Variants in ATP8B2 observed in about 807,000 individuals in gnomAD.
ATP8B2 encodes the protein phospholipid-transporting ATPase ID.
In ATP8B2, 70 loss-of-function variants were observed where a neutral mutation model predicts 133.4. The ratio of observed to expected loss-of-function variants is 0.52; its 90% confidence interval spans 0.43 to 0.64. The LOEUF (loss-of-function observed/expected upper bound fraction) is 0.64, where lower values mean the gene tolerates loss of function less well. Among genes scored for constraint, ATP8B2 ranks in the 30% least tolerant of loss-of-function variants. ATP8B2 has a pLI of 0.00. For missense variants in ATP8B2, 1,101 were observed against 1,535.7 expected (o/e 0.72, Z 4.73); for synonymous variants, 517 against 589.5 (o/e 0.88, Z 1.78).
Position 154,345,739 on chromosome 1 carries a change from C to T in ATP8B2, c.2695-61C>T, listed in dbSNP as rs897533732. 1.4e-5 allele frequency: 20 copies of T among 1,468,256 alleles called. No individual in the cohort carries two copies. Among genetic ancestry groups the T allele is most frequent in the Non-Finnish European group, 1.8e-5 (19 of 1,048,168 alleles). 91.0% of individuals were successfully genotyped at this position (1,468,256 alleles called of 1,614,324 possible). A position where few individuals can be genotyped will look rare whatever the true frequency, so the allele number is the denominator to read the frequency against. ...CTCTGTATGTGACATCAGCTGTCTT[C>T]CTGTGCCTGATGTGTAGCAAAGAAA... On this transcript the variant is annotated intron_variant, in intron 23 of 27. Coordinates refer to ENST00000368489, the MANE Select transcript of ATP8B2 (RefSeq NM_001370597.1). This position sits in a 1 kb window ranked among gnomAD's most constrained non-coding sequence, Gnocchi z 5.6.
At chr1:154,333,694 G>A (rs562596789) in intron 9 of ATP8B2, among the ~76,000 whole-genome samples, 1 of 148,136 alleles carries the variant, frequency 6.8e-6, no homozygotes, top group Non-Finnish European at 1.5e-5. Flanking sequence ...GAGTGTAGTG[G>A]TGCGATCTCG....
rs1402900467 is a variant in ATP8B2 at position 154,344,303 on chromosome 1, T to C, written c.2035+49T>C. The C allele has an allele frequency of 6.2e-7, 1 of 1,614,182 alleles. No individual in the cohort carries two copies. Among genetic ancestry groups the C allele is most frequent in the South Asian group, 1.1e-5 (1 of 91,080 alleles). ...CAGTTGCAACTGACAGTAGCCCTGT[T>C]GGACCCTTGCATGGAGCCGAGGACA... On this transcript the variant is annotated intron_variant, in intron 19 of 27. Transcript: ENST00000368489. The surrounding 1 kb of genome is among the most constrained non-coding windows in gnomAD (Gnocchi z 4.1).
Position 154,343,604 on chromosome 1 carries a change from T to A in ATP8B2, c.1758+36T>A, listed in dbSNP as rs1224914146. On this transcript the variant is annotated intron_variant, in intron 17 of 27. Coordinates refer to ENST00000368489, the MANE Select transcript of ATP8B2 (RefSeq NM_001370597.1). The surrounding 1 kb of genome is among the most constrained non-coding windows in gnomAD (Gnocchi z 5.8). ...GGAGAGGAGGGGCCAGCCTGGGGGG[T>A]TCTACTCTTAGTGTGGGGGAGGCGA... 9 of 1,588,088 alleles carry A rather than the reference T, an allele frequency of 5.7e-6. No homozygotes were observed. The highest frequency in any genetic ancestry group is 7.8e-6 in the Non-Finnish European group (9 of 1,157,362).
chr1:154,348,672 G>C, intron 27 of ATP8B2, 134 bp downstream of exon 27: 3 of 1,429,398 alleles, frequency 2.1e-6, no homozygotes, highest in Non-Finnish European at 2.8e-6. Context: ...CCTGGGGACA[G>C]ACACCCTGTG....
intron 13 of ATP8B2, chr1:154,341,591 G>A (rs1300232677): frequency 1.0e-4 from 17 of 165,454 alleles, no homozygotes; most frequent in Admixed American, 5.7e-4. Context: ...TCAAGTGTTC[G>A]AGACCAGCTT....
rs1389476490 is a variant in ATP8B2 at position 154,349,318 on chromosome 1, G to A, written c.*200G>A. 3 of 773,714 alleles carry A rather than the reference G, an allele frequency of 3.9e-6. No individual in the cohort carries two copies. In the South Asian group the frequency reaches 5.6e-5, roughly 15 times the overall value. The allele number at this position is 773,714 out of a possible 1,614,324, so 47.9% of individuals were successfully genotyped here. On this transcript the variant is annotated 3_prime_UTR_variant, in exon 28 of 28. Coordinates refer to ENST00000368489, the MANE Select transcript of ATP8B2 (RefSeq NM_001370597.1). ...CCTTCCACCAGCTGGGGAGCTAGAG[G>A]GAGCAGGCCCAAGGGCAGAGCAGAG...
intron 12 of ATP8B2, 174 bp downstream of exon 12, chr1:154,337,718 A>T: frequency 6.5e-7 from 1 of 1,546,968 alleles, no homozygotes; most frequent in South Asian, 1.3e-5. Flanking sequence ...TTTTTACCAC[A>T]GTTTCCTGGT....
At chr1:154,342,260 C>G (rs533538605) in intron 13 of ATP8B2, among the ~76,000 whole-genome samples, 2 of 150,336 alleles carry the variant, frequency 1.3e-5, no homozygotes, top group African/African-American at 4.9e-5. Flanking sequence ...TGCCGGGGCT[C>G]TTTCATGGCC....
rs1385098136 is a variant in ATP8B2, at chr1:154,344,091, G to A, written c.1923+34G>A. On this transcript the variant is annotated intron_variant, in intron 18 of 27. Transcript: ENST00000368489. The surrounding 1 kb of genome is among the most constrained non-coding windows in gnomAD (Gnocchi z 4.1). ...TGCGGGACGGGCCAAGGATGGGCAC[G>A]GAGGGCTCATGCCTGCAATTCTTGT... is the stretch of plus-strand genomic sequence containing the variant. 11 of 1,614,042 alleles carry A rather than the reference G, an allele frequency of 6.8e-6. No individual in the cohort carries two copies. The highest frequency in any genetic ancestry group is 2.7e-5 in the African/African-American group (2 of 74,930).
chr1:154,335,510 A>G (rs896600974), intron 11 of ATP8B2, among the ~76,000 whole-genome samples: 2 of 151,496 alleles, frequency 1.3e-5, no homozygotes, highest in African/African-American at 2.4e-5. Flanking sequence ...TGGACACCAT[A>G]GTGAGACCCT....
intron 13 of ATP8B2, among the ~76,000 whole-genome samples, chr1:154,342,208 G>A (rs913864512): frequency 6.6e-6 from 1 of 152,000 alleles, no homozygotes; most frequent in African/African-American, 2.4e-5. Flanking sequence ...TGCCCTGAGG[G>A]GGGTGCCGCC....
Position 154,328,858 on chromosome 1 carries a change from G to T in ATP8B2, c.31+686G>T. On this transcript the variant is annotated intron_variant, in intron 2 of 27. Coordinates refer to ENST00000368489, the MANE Select transcript of ATP8B2 (RefSeq NM_001370597.1). The surrounding 1 kb of genome is among the most constrained non-coding windows in gnomAD (Gnocchi z 4.6). ...GGATGGCCTGGGCTGCGGGTGGGGC[G>T]CGCGCCCGACGGCTGGGGCTCCCCT... 1 of 1,151,334 alleles carries T rather than the reference G, an allele frequency of 8.7e-7. No homozygotes were observed. Among genetic ancestry groups the T allele is most frequent in the Non-Finnish European group, 1.1e-6 (1 of 919,266 alleles). The allele number at this position is 1,151,334 out of a possible 1,614,324, so 71.3% of individuals were successfully genotyped here.
intron 1 of ATP8B2, among the ~76,000 whole-genome samples, chr1:154,326,646 G>A (rs921236792): frequency 3.9e-5 from 6 of 152,176 alleles, no homozygotes; most frequent in Non-Finnish European, 5.9e-5. Context: ...GTCTCCCCAG[G>A]GTCTCAGAGG....
In ATP8B2 at chr1:154,348,393, C is replaced by T. The variant is rs1286466020; in HGVS notation, c.3164-15C>T. The T allele has an allele frequency of 6.3e-7, 1 of 1,593,938 alleles. No homozygotes were observed. The highest frequency in any genetic ancestry group is 1.7e-5 in the Admixed American group (1 of 59,472). ...CTCGTGACTCCCAAGGCCACTGACT[C>T]CTCTTCATCCCCAGGGAATGCCCAG... On this transcript the variant is annotated splice_polypyrimidine_tract_variant and intron_variant, in intron 26 of 27. Transcript: ENST00000368489.
At position 154,330,278 on chromosome 1, in the gene ATP8B2, A is replaced by G. The variant is rs1685937677; in HGVS notation, c.32-118A>G. 4 of 798,398 alleles carry G rather than the reference A, an allele frequency of 5.0e-6. No individual in the cohort carries two copies. The Admixed American group carries it at 9.8e-5, about 20-fold the overall frequency. The allele number at this position is 798,398 out of a possible 1,614,324, so 49.5% of individuals were successfully genotyped here. On this transcript the variant is annotated intron_variant, in intron 2 of 27. Transcript: ENST00000368489. The stretch of plus-strand genomic sequence containing the variant: ...GAGGGAAGAATTTGATGACCCCCTC[A>G]GTTGTGGAGCTAACTCCTTAAAATG...
Position 154,345,994 on chromosome 1 carries a change from G to A in ATP8B2, c.2778+111G>A. 8.4e-7 allele frequency: 1 copy of A among 1,187,428 alleles called. No homozygotes were observed. Among genetic ancestry groups the A allele is most frequent in the Non-Finnish European group, 1.2e-6 (1 of 815,262 alleles). The allele number at this position is 1,187,428 out of a possible 1,614,324, so 73.6% of individuals were successfully genotyped here. On this transcript the variant is annotated intron_variant, in intron 24 of 27. Transcript: ENST00000368489. The surrounding 1 kb of genome is among the most constrained non-coding windows in gnomAD (Gnocchi z 5.6). ...CCCATTTCCTGTGGCCACTGGGAAG[G>A]CAGTTCTTTCAGCCGGGGAAGGTGT...
intron 1 of ATP8B2, among the ~76,000 whole-genome samples, chr1:154,327,642 G>A (rs1387722197): frequency 6.6e-6 from 1 of 152,152 alleles, no homozygotes; most frequent in East Asian, 1.9e-4. Flanking sequence ...TAAGCCTTTC[G>A]AGAAGGGTGG....
intron 11 of ATP8B2, 44 bp from the exon 12 acceptor site, chr1:154,337,304 C>T: frequency 5.7e-6 from 9 of 1,576,356 alleles, no homozygotes; most frequent in Non-Finnish European, 7.8e-6. Flanking sequence ...GTTTTGAGGG[C>T]TTCCTACATG....
chr1:154,339,337 G>A (rs1686298507), intron 12 of ATP8B2, among the ~76,000 whole-genome samples: 1 of 152,110 alleles, frequency 6.6e-6, no homozygotes, highest in African/African-American at 2.4e-5. Flanking sequence ...CTTGATCTTA[G>A]TTTTCCCACG....
Sources: allele counts gnomAD v4.1 joint callset (sites outside exome capture counted in the v4.1 genomes callset), GRCh38; gene constraint gnomAD v4.1.1; non-coding constraint Gnocchi (gnomAD v3.1); transcripts MANE v1.5; gene names NCBI Gene and HGNC (gene_info 2026-07-23, HGNC 2026-07-21).